Variants in CNTNAP2 observed in about 807,000 individuals in gnomAD.
CNTNAP2 encodes the protein contactin-associated protein-like 2.
In CNTNAP2, 98 loss-of-function variants were observed where a neutral mutation model predicts 155.2. That is an observed-to-expected ratio of 0.63 (90% CI 0.54 to 0.75). The LOEUF is 0.75. Among genes scored for constraint, CNTNAP2 ranks in the 30% least tolerant of loss-of-function variants. The probability of loss-of-function intolerance (pLI) is 0.00; values close to 1 mark genes in which losing one functional copy is unlikely to be tolerated. For missense variants in CNTNAP2, 1,727 were observed against 1,688.1 expected (o/e 1.02, Z -0.40); for synonymous variants, 651 against 631.2 (o/e 1.03, Z -0.47).
chr7:147,243,235 ATCCACCTGCCCTGGAC>A (rs1399852437), intron 8 of CNTNAP2, among the ~76,000 whole-genome samples: 2 of 151,822 alleles, frequency 1.3e-5, no homozygotes, highest in Admixed American at 6.6e-5. Context: ...TGACCTCATG[ATCCACCTGCCCTGGAC>A]TCCCAAAGTG....
chr7:147,640,923 G>C (rs1584874161), intron 13 of CNTNAP2, among the ~76,000 whole-genome samples: 1 of 152,172 alleles, frequency 6.6e-6, no homozygotes, highest in East Asian at 1.9e-4. Flanking sequence ...CGTAGCCCAG[G>C]GGGAAAACTG....
At chr7:146,751,414 G>A (rs922645454) in intron 1 of CNTNAP2, among the ~76,000 whole-genome samples, 12 of 152,054 alleles carry the variant, frequency 7.9e-5, no homozygotes, top group African/African-American at 2.9e-4. Flanking sequence ...AAATTGGAGT[G>A]GGAACTAAAC....
chr7:147,151,158 T>C lies in CNTNAP2; in HGVS notation c.1348+18649T>C, dbSNP rs144873889. ...GATGATAGCCATGGATATGTGAGAG[T>C]ATCCAAGTTTTACAGAGGCCGAGTT... On this transcript the variant is annotated intron_variant, in intron 8 of 23. Coordinates refer to ENST00000361727, the MANE Select transcript of CNTNAP2 (RefSeq NM_014141.6). Among the ~76,000 whole-genome samples, 640 of 152,298 alleles carry C rather than the reference T, an allele frequency of 4.2e-3. 5 individuals are homozygous for C. Among genetic ancestry groups the C allele is most frequent in the Non-Finnish European group, 6.8e-3 (460 of 68,016 alleles).
rs142444339 is a variant in CNTNAP2, at chr7:147,003,004, A to G, written c.403-40903A>G. Among the ~76,000 whole-genome samples the G allele has an allele frequency of 3.0e-3, 455 of 151,252 alleles. 11 individuals are homozygous for G. The highest frequency in any genetic ancestry group is 4.3e-3 in the East Asian group (22 of 5,126). On this transcript the variant is annotated intron_variant, in intron 3 of 23. Coordinates refer to ENST00000361727, the MANE Select transcript of CNTNAP2 (RefSeq NM_014141.6). ...AAACTGGAAAAGAAGACAAGGATTT[A>G]GAAAACCAAAGGACTAACAGAAAAG... is the stretch of plus-strand genomic sequence containing the variant.
intron 13 of CNTNAP2, among the ~76,000 whole-genome samples, chr7:147,715,300 G>A (rs1796466013): frequency 6.6e-6 from 1 of 151,992 alleles, no homozygotes; most frequent in Admixed American, 6.6e-5. Flanking sequence ...TTCCCATCAG[G>A]AATGTATGAG....
At chr7:146,908,055 G>A (rs1585150778) in intron 3 of CNTNAP2, among the ~76,000 whole-genome samples, 1 of 152,102 alleles carries the variant, frequency 6.6e-6, no homozygotes, top group Middle Eastern at 3.4e-3. Context: ...AGACAAAGAA[G>A]GCCATTACAT....
At chr7:148,061,950 C>G (rs1400140303) in intron 15 of CNTNAP2, among the ~76,000 whole-genome samples, 1 of 104,334 alleles carries the variant, frequency 9.6e-6, no homozygotes, top group South Asian at 3.3e-4. Flanking sequence ...GATAGATAAA[C>G]AGATATAGAT....
intron 10 of CNTNAP2, among the ~76,000 whole-genome samples, chr7:147,469,558 G>A (rs1198862934): frequency 9.1e-6 from 1 of 109,918 alleles, no homozygotes; most frequent in Non-Finnish European, 1.9e-5. Flanking sequence ...TCGCTCTGCC[G>A]CCCAGGCTGG....
At chr7:147,480,124 A>T (rs576253697) in intron 10 of CNTNAP2, among the ~76,000 whole-genome samples, 1 of 152,202 alleles carries the variant, frequency 6.6e-6, no homozygotes, top group Non-Finnish European at 1.5e-5. Flanking sequence ...AGTCACGAGT[A>T]TGAAAAACAG....
chr7:147,638,004 T>C (rs949348048), intron 12 of CNTNAP2, among the ~76,000 whole-genome samples: 1 of 152,210 alleles, frequency 6.6e-6, no homozygotes, highest in African/African-American at 2.4e-5. Flanking sequence ...TTCTTCTCTT[T>C]ATTCGCCAAT....
At chr7:147,885,627 T>C (rs2538979) in intron 13 of CNTNAP2, among the ~76,000 whole-genome samples, 86,576 of 151,950 alleles carry the variant, frequency 0.57, 25,263 homozygotes, top group African/African-American at 0.69. Context: ...TGATCATTCA[T>C]GTTTGCTTTC....
chr7:146,362,041 GCCT>G (rs1190487398), intron 1 of CNTNAP2, among the ~76,000 whole-genome samples: 7 of 151,850 alleles, frequency 4.6e-5, no homozygotes, highest in African/African-American at 1.7e-4. Flanking sequence ...TTTTACTCTC[GCCT>G]CCTCTTTATG....
intron 18 of CNTNAP2, among the ~76,000 whole-genome samples, chr7:148,203,470 C>T (rs1203096792): frequency 6.6e-6 from 1 of 152,086 alleles, no homozygotes; most frequent in South Asian, 2.1e-4. Flanking sequence ...GTGGGCCAGG[C>T]AAGGTGGCTC....
At chr7:147,312,066 G>A (rs569008267) in intron 9 of CNTNAP2, among the ~76,000 whole-genome samples, 1 of 151,906 alleles carries the variant, frequency 6.6e-6, no homozygotes, top group African/African-American at 2.4e-5. Context: ...AAAAAGATCA[G>A]ATTTTAAAAT....
intron 8 of CNTNAP2, among the ~76,000 whole-genome samples, chr7:147,250,414 C>T (rs1222070032): frequency 6.6e-6 from 1 of 152,104 alleles, no homozygotes; most frequent in Non-Finnish European, 1.5e-5. Flanking sequence ...GATGGAGATT[C>T]CGAAGTGGCT....
At chr7:146,120,804 C>A (rs572357828) in intron 1 of CNTNAP2, among the ~76,000 whole-genome samples, 1 of 152,202 alleles carries the variant, frequency 6.6e-6, no homozygotes, top group South Asian at 2.1e-4. Context: ...TAATAACATG[C>A]AGTACAGGTT....
intron 3 of CNTNAP2, among the ~76,000 whole-genome samples, chr7:146,996,233 AT>A (rs201546631): frequency 5.9e-5 from 9 of 151,492 alleles, no homozygotes; most frequent in South Asian, 2.1e-4. Flanking sequence ...TAAATTTATG[AT>A]TTTTTTTTAT....
At chr7:146,914,980 GA>G (rs1303954532) in intron 3 of CNTNAP2, among the ~76,000 whole-genome samples, 2 of 152,122 alleles carry the variant, frequency 1.3e-5, no homozygotes, top group East Asian at 3.9e-4. Context: ...GATCCATCTT[GA>G]GTTAATTTTT....
chr7:146,123,448 G>A (rs1427553795), intron 1 of CNTNAP2, among the ~76,000 whole-genome samples: 1 of 152,056 alleles, frequency 6.6e-6, no homozygotes, highest in Non-Finnish European at 1.5e-5. Context: ...GAAAATGGCA[G>A]GCAATAGAGG....
Sources: gnomAD v4.1 joint callset for allele counts (sites outside exome capture counted in the v4.1 genomes callset) on GRCh38, gnomAD v4.1.1 for gene constraint, MANE v1.5 for transcripts, NCBI Gene and HGNC (gene_info 2026-07-23, HGNC 2026-07-21) for gene names.